SPATA17: variants seen among roughly 807,000 people sequenced by gnomAD.
SPATA17 encodes spermatogenesis-associated protein 17.
Under a neutral mutation model 62.2 loss-of-function variants are expected in SPATA17, and 53 were observed. That is an observed-to-expected ratio of 0.85 (90% CI 0.68 to 1.07). SPATA17 has a LOEUF of 1.07. SPATA17 is among the 50% of genes least tolerant of loss of function. SPATA17 has a pLI of 0.00. For missense variants in SPATA17, 466 were observed against 425.5 expected, an observed-to-expected ratio of 1.10 and a Z score of -0.84; for synonymous variants, 146 against 146.8, an observed-to-expected ratio of 0.99 and a Z score of 0.04.
chr1:217,823,265 AG>A (rs142690873), intron 9 of SPATA17, among the ~76,000 whole-genome samples: 4,824 of 152,084 alleles, frequency 0.032, 111 homozygotes, highest in Middle Eastern at 0.065. Context: ...GTTCGTGGTT[AG>A]GAACTCTCAG....
At chr1:217,649,928 T>TTC (rs1440436319) in intron 2 of SPATA17, among the ~76,000 whole-genome samples, 3 of 148,746 alleles carry the variant, frequency 2.0e-5, no homozygotes, top group African/African-American at 7.6e-5. Flanking sequence ...AAGACAAGGC[T>TTC]TCTCTCTTTT....
chr1:217,782,141 A>G (rs1673744355), intron 7 of SPATA17, 33 bp from the exon 8 acceptor site: 1 of 1,544,324 alleles, frequency 6.5e-7, no homozygotes, highest in Non-Finnish European at 8.7e-7. Flanking sequence ...AAAATCTTCC[A>G]TATAAAATAT....
chr1:217,828,019 C>A (rs2103000258), intron 9 of SPATA17, among the ~76,000 whole-genome samples: 1 of 152,160 alleles, frequency 6.6e-6, no homozygotes, highest in African/African-American at 2.4e-5. Flanking sequence ...ACATTTGGCA[C>A]ACGTACCTGG....
intron 5 of SPATA17, among the ~76,000 whole-genome samples, chr1:217,733,597 G>A (rs1277251697): frequency 3.3e-5 from 5 of 151,978 alleles, no homozygotes; most frequent in African/African-American, 9.7e-5. Context: ...CAAGTACTAC[G>A]GTTTAAACGT....
intron 5 of SPATA17, chr1:217,739,711 A>G (rs1275762742): frequency 6.6e-6 from 1 of 152,116 alleles, no homozygotes; most frequent in African/African-American, 2.4e-5. Context: ...TACTGCTATA[A>G]CAAAAATGTA....
chr1:217,696,702 A>G (rs1165590738), intron 5 of SPATA17, among the ~76,000 whole-genome samples: 1 of 151,982 alleles, frequency 6.6e-6, no homozygotes, highest in Non-Finnish European at 1.5e-5. Context: ...TTCTCGATGT[A>G]TTTACCATTA....
intron 5 of SPATA17, among the ~76,000 whole-genome samples, chr1:217,705,994 A>G (rs1023855991): frequency 2.0e-5 from 3 of 152,072 alleles, no homozygotes; most frequent in Admixed American, 2.0e-4. Context: ...TCCTTTCCCC[A>G]TTGCTTCTTT....
At chr1:217,860,789 C>G (rs770108458) in intron 9 of SPATA17, among the ~76,000 whole-genome samples, 5 of 151,996 alleles carry the variant, frequency 3.3e-5, no homozygotes, top group Non-Finnish European at 7.4e-5. Context: ...TTTATCCAGT[C>G]TTGTTCTTTT....
intron 8 of SPATA17, among the ~76,000 whole-genome samples, chr1:217,792,069 T>A (rs962826331): frequency 5.9e-5 from 9 of 151,672 alleles, no homozygotes; most frequent in African/African-American, 2.2e-4. Context: ...TGATAAACTT[T>A]AAAAAAAAAT....
At position 217,774,367 on chromosome 1, in the gene SPATA17, G is replaced by C. The variant is rs1170485611; in HGVS notation, c.553G>C (p.Glu185Gln). The C allele has an allele frequency of 3.7e-6, 6 of 1,613,754 alleles. No homozygotes were observed. The highest frequency in any genetic ancestry group is 4.2e-6 in the Non-Finnish European group (5 of 1,179,906). Residue 185 changes from glutamate to glutamine, a missense_variant, in exon 7 of 11, where the codon GAG becomes CAG. Physicochemically the swap from Glu to Gln is conservative, Grantham distance 29. Coordinates refer to ENST00000366933, the MANE Select transcript of SPATA17 (RefSeq NM_138796.4). ...AATATACAATTCACCCTTCAGAAAAGAGCCTGATCCATGGGAGCTGCAATT... is the reference window on the plus strand; with the variant it reads ...AATATACAATTCACCCTTCAGAAAACAGCCTGATCCATGGGAGCTGCAATT... ...PGIYNSPFRK[E>Q]PDPWELQLQK...
intron 3 of SPATA17, chr1:217,665,428 G>A (rs1251707069): frequency 1.3e-5 from 2 of 152,180 alleles, no homozygotes. Context: ...TAATCTAGAA[G>A]AACTGTTCCA....
chr1:217,669,767 T>C (rs1670792572), intron 4 of SPATA17, among the ~76,000 whole-genome samples: 1 of 152,196 alleles, frequency 6.6e-6, no homozygotes, highest in Non-Finnish European at 1.5e-5. Flanking sequence ...AATCTGTTAG[T>C]TCTTCTGCAA....
At chr1:217,767,413 G>C (rs1238861054) in intron 6 of SPATA17, among the ~76,000 whole-genome samples, 1 of 152,104 alleles carries the variant, frequency 6.6e-6, no homozygotes, top group African/African-American at 2.4e-5. Flanking sequence ...TCTAACATCA[G>C]TTTGGGTAAA....
intron 9 of SPATA17, among the ~76,000 whole-genome samples, chr1:217,822,359 T>G (rs1295492771): frequency 6.6e-6 from 1 of 150,696 alleles, no homozygotes; most frequent in Non-Finnish European, 1.5e-5. Context: ...TGCTCTTTTC[T>G]AAAAGACATG....
Position 217,749,977 on chromosome 1 carries a change from C to CTATA in SPATA17, c.519+7880_519+7881insATAT, listed in dbSNP as rs1418795091. ...TCTCTCTCTCTCTCTCTCTCTCTCT[C>CTATA]TCTCTCTCTATATATATATATATAT... On this transcript the variant is annotated intron_variant, in intron 6 of 10. Transcript: ENST00000366933. Among the ~76,000 whole-genome samples the CTATA allele has an allele frequency of 6.4e-3, 229 of 35,566 alleles. 3 individuals carry two copies. Among genetic ancestry groups the CTATA allele is most frequent in the Middle Eastern group, 0.011 (1 of 88 alleles). 23.3% of individuals were successfully genotyped at this position (35,566 alleles called of 152,430 possible).
chr1:217,647,407 T>C (rs1455320083), intron 1 of SPATA17, among the ~76,000 whole-genome samples: 1 of 152,200 alleles, frequency 6.6e-6, no homozygotes, highest in East Asian at 1.9e-4. Flanking sequence ...GTAGCACCTT[T>C]GGTAAGACAA....
intron 5 of SPATA17, among the ~76,000 whole-genome samples, chr1:217,719,673 T>C (rs1236127271): frequency 2.0e-5 from 3 of 152,192 alleles, no homozygotes; most frequent in African/African-American, 4.8e-5. Flanking sequence ...ACAAGATGAA[T>C]AACTTTTAAA....
At position 217,705,489 on chromosome 1, in the gene SPATA17, G is replaced by C. The variant is rs551619815; in HGVS notation, c.395+22128G>C. On this transcript the variant is annotated intron_variant, in intron 5 of 10. Transcript: ENST00000366933. Reference sequence around the variant, plus strand: ...TGGAGTCTCGCTCCATCACCAGGCTGGAGTGCAGTGGAGCAATCTTGGTTC... The same window carrying C: ...TGGAGTCTCGCTCCATCACCAGGCTCGAGTGCAGTGGAGCAATCTTGGTTC... 5.1e-5 allele frequency among the ~76,000 whole-genome samples: 6 copies of C among 118,720 alleles called. No individual in the cohort carries two copies. The East Asian group carries it at 1.6e-3, about 32-fold the overall frequency. The allele number at this position is 118,720 out of a possible 152,430, so 77.9% of individuals were successfully genotyped here. A position where few individuals can be genotyped will look rare whatever the true frequency, so the allele number is the denominator to read the frequency against.
At chr1:217,656,395 A>G (rs780203479) in intron 3 of SPATA17, among the ~76,000 whole-genome samples, 3 of 152,230 alleles carry the variant, frequency 2.0e-5, no homozygotes, top group Non-Finnish European at 4.4e-5. Flanking sequence ...ATCACCCAGT[A>G]TAATCACCAA....
Sources: allele counts gnomAD v4.1 joint callset (sites outside exome capture counted in the v4.1 genomes callset), GRCh38; gene constraint gnomAD v4.1.1; transcripts MANE v1.5; gene names NCBI Gene and HGNC (gene_info 2026-07-23, HGNC 2026-07-21).